Variants in BTG3 observed in about 807,000 individuals in gnomAD.
BTG3 encodes the protein BTG anti-proliferation factor 3.
In BTG3, 4 loss-of-function variants were observed where a neutral mutation model predicts 25.8. The ratio of observed to expected loss-of-function variants is 0.16; its 90% CI spans 0.08 to 0.36. The LOEUF is 0.36. Ranked by LOEUF, BTG3 falls within the 10% of genes least tolerant of loss-of-function variation. The pLI is 1.00. For missense variants in BTG3, 201 were observed against 304.9 expected (o/e 0.66, Z 2.54); for synonymous variants, 107 against 99.9 (o/e 1.07, Z -0.42).
intron 4 of BTG3, among the ~76,000 whole-genome samples, chr21:17,596,255 G>C (rs2061502720): frequency 6.6e-6 from 1 of 151,896 alleles, no homozygotes; most frequent in Admixed American, 6.6e-5. Context: ...TTTTCTTAAT[G>C]GTTTCTTTGA....
rs1172774704 is a variant in BTG3, at chr21:17,608,201, AC to A, written c.173+770del. On this transcript the variant is annotated intron_variant, in intron 2 of 4. Coordinates refer to ENST00000348354, the MANE Select transcript of BTG3 (RefSeq NM_006806.5). ...GGTAACACAGCAAGATCCCATCTAT[AC>A]AAAAAAAAATTTGTTTTTAAATTAG... Among the ~76,000 whole-genome samples, 4 of 152,264 alleles carry A rather than the reference AC, an allele frequency of 2.6e-5. No homozygotes were observed. The East Asian group carries it at 7.7e-4, about 29-fold the overall frequency.
chr21:17,604,825 G>C (rs1472333035), intron 3 of BTG3, 35 bp downstream of exon 3: 4 of 1,594,598 alleles, frequency 2.5e-6, no homozygotes, highest in Non-Finnish European at 3.4e-6. Flanking sequence ...GTTCCAGCAT[G>C]GTCATCAGTT....
chr21:17,604,685 TCTAA>T (rs1351673440), intron 3 of BTG3, among the ~76,000 whole-genome samples, 171 bp downstream of exon 3: 1 of 152,190 alleles, frequency 6.6e-6, no homozygotes, highest in African/African-American at 2.4e-5. Flanking sequence ...AAAGCAGAAA[TCTAA>T]CTAGTCCTTC....
intron 4 of BTG3, among the ~76,000 whole-genome samples, chr21:17,595,993 G>T (rs1471002417): frequency 6.6e-6 from 1 of 151,932 alleles, no homozygotes; most frequent in East Asian, 1.9e-4. Flanking sequence ...TGTTTCATAT[G>T]GATTTAATCT....
At chr21:17,608,774 C>G (rs2061680425) in intron 2 of BTG3, 198 bp downstream of exon 2, 2 of 489,668 alleles carry the variant, frequency 4.1e-6, no homozygotes, top group Non-Finnish European at 6.9e-6. Flanking sequence ...CCTCCTGTGT[C>G]CAGGCAGTGG....
In BTG3 at chr21:17,609,070, C is replaced by G. The variant is rs2061683819; in HGVS notation, c.75G>C (p.Glu25Asp). Reference sequence around the variant, plus strand: ...ATTTCTCAGCAAACCTCTCAACTGCCTCTTTTTTCAACTTATCATGTTTTC... The same window carrying G: ...ATTTCTCAGCAAACCTCTCAACTGCGTCTTTTTTCAACTTATCATGTTTTC... ...LVRKHDKLKK[E>D]AVERFAEKLT... Residue 25 changes from glutamate (E) to aspartate (D), a missense_variant, in exon 2 of 5, where the codon GAG (glutamate) becomes GAC (aspartate). Around this residue, in one of 2 missense-constraint regions of BTG3, gnomAD observed 70 missense variants for 175.7 expected, o/e 0.40. Transcript: ENST00000348354. The G allele has an allele frequency of 1.2e-6, 2 of 1,613,952 alleles. No individual in the cohort carries two copies. Among genetic ancestry groups the G allele is most frequent in the African/African-American group, 2.7e-5 (2 of 74,930 alleles).
At chr21:17,600,641 T>C (rs959161650) in intron 3 of BTG3, among the ~76,000 whole-genome samples, 3 of 151,926 alleles carry the variant, frequency 2.0e-5, no homozygotes, top group East Asian at 3.9e-4. Flanking sequence ...GGTAACATGG[T>C]GAGACCCTGT....
chr21:17,599,903 C>A (rs138134377), intron 3 of BTG3, among the ~76,000 whole-genome samples: 168 of 152,174 alleles, frequency 1.1e-3, no homozygotes, highest in Non-Finnish European at 1.8e-3. Flanking sequence ...TTTATACTCA[C>A]AAAAATGAGA....
intron 2 of BTG3, 173 bp downstream of exon 2, chr21:17,608,799 G>T: frequency 1.7e-6 from 1 of 595,646 alleles, no homozygotes; most frequent in Non-Finnish European, 2.6e-6. Flanking sequence ...CCACCACTCC[G>T]CCAACAAATA....
intron 3 of BTG3, among the ~76,000 whole-genome samples, chr21:17,600,955 C>G (rs528803112): frequency 1.3e-5 from 2 of 148,690 alleles, no homozygotes; most frequent in Admixed American, 1.3e-4. Context: ...TGAGGTCAGG[C>G]GTTCGAGGCC....
chr21:17,605,069 C>T, intron 2 of BTG3, 72 bp from the exon 3 acceptor site: 10 of 1,517,780 alleles, frequency 6.6e-6, no homozygotes, highest in Non-Finnish European at 8.9e-6. Context: ...TCTATTCATA[C>T]TTGCCAAGGT....
intron 3 of BTG3, among the ~76,000 whole-genome samples, chr21:17,600,687 A>T (rs907501710): frequency 2.5e-4 from 38 of 152,186 alleles, no homozygotes; most frequent in African/African-American, 8.9e-4. Context: ...ACAAAAAATT[A>T]AAAAAACAGA....
chr21:17,600,706 T>C (rs2061561282), intron 3 of BTG3, among the ~76,000 whole-genome samples: 1 of 151,336 alleles, frequency 6.6e-6, no homozygotes, highest in Non-Finnish European at 1.5e-5. Context: ...GAAAAGAAAA[T>C]GTATGTGGAA....
At chr21:17,608,148 G>T (rs562344590) in intron 2 of BTG3, among the ~76,000 whole-genome samples, 1 of 152,118 alleles carries the variant, frequency 6.6e-6, no homozygotes, top group Non-Finnish European at 1.5e-5. Flanking sequence ...AGAAGATCGC[G>T]TGAGGCCAGG....
At chr21:17,601,295 G>A (rs978126775) in intron 3 of BTG3, among the ~76,000 whole-genome samples, 4 of 152,274 alleles carry the variant, frequency 2.6e-5, no homozygotes, top group Middle Eastern at 3.4e-3. Context: ...TTTCCTATAT[G>A]CTGGACGAGG....
intron 2 of BTG3, among the ~76,000 whole-genome samples, chr21:17,606,961 A>G (rs2123471459): frequency 6.6e-6 from 1 of 152,300 alleles, no homozygotes; most frequent in Non-Finnish European, 1.5e-5. Context: ...CAAGTATCTT[A>G]TTTATATTGC....
intron 4 of BTG3, among the ~76,000 whole-genome samples, chr21:17,597,556 G>A (rs1472083049): frequency 2.0e-5 from 3 of 151,776 alleles, no homozygotes; most frequent in Non-Finnish European, 1.5e-5. Flanking sequence ...CTGGTGGTTG[G>A]GGAGAAAGAG....
intron 2 of BTG3, among the ~76,000 whole-genome samples, chr21:17,605,712 T>C (rs982671610): frequency 2.0e-5 from 3 of 152,188 alleles, no homozygotes; most frequent in Non-Finnish European, 2.9e-5. Flanking sequence ...ATCTACCTAA[T>C]GGAATGTTTA....
At chr21:17,594,663 C>T (rs1051462703) in intron 4 of BTG3, among the ~76,000 whole-genome samples, 3 of 152,102 alleles carry the variant, frequency 2.0e-5, no homozygotes, top group African/African-American at 7.2e-5. Context: ...CCACAGCTGG[C>T]TAAGCCAGGA....
Sources: gnomAD v4.1 joint callset for allele counts (sites outside exome capture counted in the v4.1 genomes callset) on GRCh38, gnomAD v4.1.1 for gene constraint, gnomAD v4.1.1 regional missense constraint, MANE v1.5 for transcripts, NCBI Gene and HGNC (gene_info 2026-07-23, HGNC 2026-07-21) for gene names.